Variants in USP47 observed in about 807,000 individuals in gnomAD.
The protein encoded by USP47 is ubiquitin carboxyl-terminal hydrolase 47.
Under a neutral mutation model 165.1 loss-of-function variants are expected in USP47, and 35 were observed. That is an observed-to-expected ratio of 0.21 (90% CI 0.16 to 0.28). The LOEUF (loss-of-function observed/expected upper bound fraction) is 0.28, where lower values mean the gene tolerates loss of function less well. Among genes scored for constraint, USP47 ranks in the 10% least tolerant of loss-of-function variants. The pLI is 1.00. For missense variants in USP47, 1,277 were observed against 1,607.4 expected, an observed-to-expected ratio of 0.79 and a Z score of 3.52; for synonymous variants, 531 against 544.5, an observed-to-expected ratio of 0.98 and a Z score of 0.35.
chr11:11,866,539 C>T (rs1207488899), intron 1 of USP47, among the ~76,000 whole-genome samples: 1 of 152,116 alleles, frequency 6.6e-6, no homozygotes, highest in African/African-American at 2.4e-5. Flanking sequence ...GAAGATGGCA[C>T]TATGGTAGTT....
chr11:11,953,998 C>A (rs143976252), intron 25 of USP47, among the ~76,000 whole-genome samples: 2 of 151,998 alleles, frequency 1.3e-5, no homozygotes, highest in South Asian at 4.2e-4. Context: ...TCCTGTAATC[C>A]CAGCACTTTG....
chr11:11,878,816 A>G (rs1220945930), intron 1 of USP47, among the ~76,000 whole-genome samples: 1 of 152,188 alleles, frequency 6.6e-6, no homozygotes, highest in Non-Finnish European at 1.5e-5. Flanking sequence ...ACAGAAACAA[A>G]TGATAATTGT....
At chr11:11,869,386 C>G (rs1438001290) in intron 1 of USP47, among the ~76,000 whole-genome samples, 1 of 151,264 alleles carries the variant, frequency 6.6e-6, no homozygotes, top group East Asian at 1.9e-4. Context: ...TATTTTTCTT[C>G]CATTGAGTTG....
chr11:11,931,752 A>T (rs572099803), intron 14 of USP47, among the ~76,000 whole-genome samples: 3 of 152,176 alleles, frequency 2.0e-5, no homozygotes, highest in Admixed American at 1.3e-4. Context: ...TTTTGATAAA[A>T]TTTTTTTCCC....
intron 18 of USP47, among the ~76,000 whole-genome samples, chr11:11,939,152 G>A (rs61871867): frequency 0.017 from 2,544 of 152,028 alleles, 32 homozygotes; most frequent in Middle Eastern, 0.034. Flanking sequence ...AAAAGGATTA[G>A]TCCACACCAG....
At chr11:11,925,925 A>G (rs945183765) in intron 11 of USP47, among the ~76,000 whole-genome samples, 3 of 151,996 alleles carry the variant, frequency 2.0e-5, no homozygotes, top group Non-Finnish European at 4.4e-5. Flanking sequence ...TTCTATTCCT[A>G]GTTTGTTGAG....
rs566723324 is a variant in USP47, at chr11:11,904,101, A to G, written c.819+759A>G. On this transcript the variant is annotated intron_variant, in intron 7 of 27. Coordinates refer to ENST00000527733, the MANE Select transcript of USP47 (RefSeq NM_001282659.2). ...TTCAAAAAATGGAATAGAATAGAGC[A>G]TAAGAGAACATCACATAAGAGTAAG... 1.6e-4 allele frequency among the ~76,000 whole-genome samples: 25 copies of G among 152,346 alleles called. 1 individual carries two copies. The East Asian group carries it at 4.4e-3, about 27-fold the overall frequency.
intron 17 of USP47, among the ~76,000 whole-genome samples, chr11:11,937,753 C>CA (rs1322430380): frequency 6.6e-6 from 1 of 151,674 alleles, no homozygotes; most frequent in African/African-American, 2.4e-5. Flanking sequence ...TTTAGATTAA[C>CA]AACGTAGGGA....
intron 3 of USP47, among the ~76,000 whole-genome samples, chr11:11,884,959 T>G (rs1249694103): frequency 6.6e-6 from 1 of 152,204 alleles, no homozygotes; most frequent in East Asian, 1.9e-4. Flanking sequence ...GTGGTTTTCA[T>G]GAGGTTTTTC....
intron 11 of USP47, among the ~76,000 whole-genome samples, chr11:11,923,829 A>G (rs1010166275): frequency 7.2e-5 from 11 of 152,226 alleles, no homozygotes; most frequent in African/African-American, 2.7e-4. Context: ...TTGCTATGTA[A>G]TGAATAATGT....
chr11:11,906,342 A>G (rs1038672640), intron 8 of USP47, among the ~76,000 whole-genome samples: 2 of 152,106 alleles, frequency 1.3e-5, no homozygotes, highest in Non-Finnish European at 2.9e-5. Flanking sequence ...ATAGAATTTC[A>G]TTATGTTTTA....
At chr11:11,936,149 A>C (rs560172094) in intron 16 of USP47, among the ~76,000 whole-genome samples, 154 bp from the exon 17 acceptor site, 1 of 151,530 alleles carries the variant, frequency 6.6e-6, no homozygotes, top group African/African-American at 2.4e-5. Flanking sequence ...TGTAACTTTG[A>C]TGTCTTTGAT....
At chr11:11,937,125 C>T (rs1278233597) in intron 17 of USP47, among the ~76,000 whole-genome samples, 2 of 151,820 alleles carry the variant, frequency 1.3e-5, no homozygotes, top group Non-Finnish European at 2.9e-5. Context: ...AAATATCATG[C>T]CCCTAGTTTT....
chr11:11,861,060 T>G (rs530279403), intron 1 of USP47, among the ~76,000 whole-genome samples: 65 of 152,324 alleles, frequency 4.3e-4, no homozygotes, highest in South Asian at 1.5e-3. Flanking sequence ...GAGCCTCATC[T>G]GATGTTCAAA....
intron 8 of USP47, among the ~76,000 whole-genome samples, chr11:11,909,088 C>T (rs77955723): frequency 0.027 from 4,041 of 152,138 alleles, 154 homozygotes; most frequent in African/African-American, 0.082. Context: ...TTCTGAGGAA[C>T]ATAATATGGG....
At chr11:11,953,333 A>G (rs1856344962) in intron 25 of USP47, among the ~76,000 whole-genome samples, 1 of 152,194 alleles carries the variant, frequency 6.6e-6, no homozygotes, top group South Asian at 2.1e-4. Flanking sequence ...CACAATGAGC[A>G]TTTTGAAAAA....
At chr11:11,937,563 C>T (rs533600774) in intron 17 of USP47, among the ~76,000 whole-genome samples, 1 of 143,898 alleles carries the variant, frequency 6.9e-6, no homozygotes, top group Non-Finnish European at 1.5e-5. Flanking sequence ...CCCTTAAGGA[C>T]ATTTCCTTGC....
intron 1 of USP47, among the ~76,000 whole-genome samples, chr11:11,843,269 T>C (rs1848242987): frequency 6.6e-6 from 1 of 152,208 alleles, no homozygotes; most frequent in African/African-American, 2.4e-5. Flanking sequence ...GCAAGGGTGA[T>C]ATTATTGGAG....
At chr11:11,884,396 A>G (rs1194185474) in intron 2 of USP47, 71 bp from the exon 3 acceptor site, 4 of 1,066,416 alleles carry the variant, frequency 3.8e-6, no homozygotes, top group East Asian at 2.6e-5. Flanking sequence ...TTAAATGTAG[A>G]TATGTATCTA....
Sources: allele counts gnomAD v4.1 joint callset (sites outside exome capture counted in the v4.1 genomes callset), GRCh38; gene constraint gnomAD v4.1.1; transcripts MANE v1.5; gene names NCBI Gene and HGNC (gene_info 2026-07-23, HGNC 2026-07-21).